CERT1: variants seen among roughly 807,000 people sequenced by gnomAD.
The protein encoded by CERT1 is ceramide transfer protein.
Under a neutral mutation model 87.9 loss-of-function variants are expected in CERT1, and 31 were observed. That is an observed-to-expected ratio of 0.35 (90% CI 0.27 to 0.48). The LOEUF (loss-of-function observed/expected upper bound fraction) is 0.48. CERT1 is among the 20% of genes least tolerant of loss of function. CERT1 has a pLI of 0.99. For synonymous variants in CERT1, 289 were observed against 250.9 expected, an observed-to-expected ratio of 1.15 and a Z score of -1.44; for missense variants, 487 against 758.0, an observed-to-expected ratio of 0.64 and a Z score of 4.20.
At chr5:75,411,554 C>T (rs1203001984) in intron 7 of CERT1, among the ~76,000 whole-genome samples, 1 of 152,120 alleles carries the variant, frequency 6.6e-6, no homozygotes, top group Non-Finnish European at 1.5e-5. Flanking sequence ...CCTCGTGATC[C>T]ACCCTCCTCA....
At chr5:75,458,167 T>C (rs905759377) in intron 3 of CERT1, among the ~76,000 whole-genome samples, 4 of 152,194 alleles carry the variant, frequency 2.6e-5, no homozygotes, top group African/African-American at 9.7e-5. Flanking sequence ...ATTACTGAAT[T>C]AGCTAATAAT....
At chr5:75,397,303 G>A (rs1193843566) in intron 11 of CERT1, among the ~76,000 whole-genome samples, 1 of 152,086 alleles carries the variant, frequency 6.6e-6, no homozygotes, top group Non-Finnish European at 1.5e-5. Flanking sequence ...TCAATCATGA[G>A]CACCATATAT....
chr5:75,502,227 G>A (rs1008624126), intron 2 of CERT1, among the ~76,000 whole-genome samples: 4 of 152,092 alleles, frequency 2.6e-5, no homozygotes, highest in African/African-American at 4.8e-5. Flanking sequence ...GATAAAAAGT[G>A]CAATTTAAAA....
chr5:75,464,355 T>TACC (rs975260212), intron 2 of CERT1, among the ~76,000 whole-genome samples: 4 of 130,922 alleles, frequency 3.1e-5, no homozygotes, highest in Admixed American at 7.1e-5. Flanking sequence ...ACTACTCACC[T>TACC]ACCGCATAGT....
At chr5:75,500,106 C>G (rs1165296546) in intron 2 of CERT1, among the ~76,000 whole-genome samples, 1 of 152,024 alleles carries the variant, frequency 6.6e-6, no homozygotes, top group Non-Finnish European at 1.5e-5. Context: ...AGTGATGCAT[C>G]CACAAGCCAT....
chr5:75,441,082 T>C (rs149592135), intron 3 of CERT1, among the ~76,000 whole-genome samples: 20 of 152,300 alleles, frequency 1.3e-4, no homozygotes, highest in Non-Finnish European at 2.1e-4. Flanking sequence ...TGTTCTAGTA[T>C]GTACAGTCAT....
intron 2 of CERT1, among the ~76,000 whole-genome samples, chr5:75,471,790 C>G (rs774783898): frequency 2.0e-5 from 3 of 150,012 alleles, no homozygotes; most frequent in Non-Finnish European, 4.4e-5. Flanking sequence ...AGGTGGTAGG[C>G]TGATGACTGA....
intron 2 of CERT1, among the ~76,000 whole-genome samples, chr5:75,481,888 T>C (rs1323687747): frequency 6.6e-6 from 1 of 152,194 alleles, no homozygotes; most frequent in African/African-American, 2.4e-5. Context: ...TGGTTATATA[T>C]GATCTCTCCT....
chr5:75,426,846 G>T (rs973327706), intron 3 of CERT1, among the ~76,000 whole-genome samples: 2 of 152,214 alleles, frequency 1.3e-5, no homozygotes, highest in African/African-American at 4.8e-5. Flanking sequence ...AAAAAGCTCT[G>T]AAGATGGATG....
intron 2 of CERT1, among the ~76,000 whole-genome samples, chr5:75,483,231 CAA>C (rs1248616259): frequency 4.6e-5 from 7 of 151,920 alleles, no homozygotes; most frequent in African/African-American, 1.7e-4. Context: ...CTGAAAAATC[CAA>C]TTGATAAAAT....
At chr5:75,386,699 G>C (rs1312327899) in intron 12 of CERT1, among the ~76,000 whole-genome samples, 4 of 152,170 alleles carry the variant, frequency 2.6e-5, no homozygotes, top group African/African-American at 9.7e-5. Context: ...GCTGGACACT[G>C]TTAGGCATTT....
chr5:75,478,931 A>T lies in CERT1; in HGVS notation c.232-19750T>A, dbSNP rs1337928888. Among the ~76,000 whole-genome samples, 4 of 149,928 alleles carry T rather than the reference A, an allele frequency of 2.7e-5. No homozygotes were observed. The East Asian group carries it at 7.7e-4, about 29-fold the overall frequency. Reference sequence around the variant, plus strand: ...TACTAAAAAAAAAAAAAAAAAAAAAAAAAAAAAAGCCACACGCGTTTGTCA... The same window carrying T: ...TACTAAAAAAAAAAAAAAAAAAAAATAAAAAAAAGCCACACGCGTTTGTCA... On this transcript the variant is annotated intron_variant, in intron 2 of 16. Transcript: ENST00000643780.
In CERT1 at chr5:75,470,271, G is replaced by A. The variant is rs368171748; in HGVS notation, c.232-11090C>T. 6.6e-5 allele frequency among the ~76,000 whole-genome samples: 10 copies of A among 152,184 alleles called. No individual in the cohort carries two copies. The South Asian group carries it at 1.2e-3, about 19-fold the overall frequency. ...TATTCTTCTTAACTACACATGGGAC[G>A]TTCCTCACAATAGATATGTTAGACC... On this transcript the variant is annotated intron_variant, in intron 2 of 16. Coordinates refer to ENST00000643780, the MANE Select transcript of CERT1 (RefSeq NM_001379029.1).
intron 3 of CERT1, among the ~76,000 whole-genome samples, chr5:75,441,097 T>C (rs1456611994): frequency 6.6e-6 from 1 of 152,208 alleles, no homozygotes; most frequent in Non-Finnish European, 1.5e-5. Flanking sequence ...AGTCATGCAC[T>C]GCATAATGTT....
chr5:75,406,486 C>A (rs1762709539), intron 8 of CERT1, among the ~76,000 whole-genome samples: 1 of 152,006 alleles, frequency 6.6e-6, no homozygotes, highest in African/African-American at 2.4e-5. Flanking sequence ...TCCTTATAAG[C>A]CTTGTTTCTT....
At chr5:75,427,399 G>A (rs1177239032) in intron 3 of CERT1, among the ~76,000 whole-genome samples, 10 of 152,274 alleles carry the variant, frequency 6.6e-5, no homozygotes, top group African/African-American at 2.4e-4. Flanking sequence ...AGGAGTCTGA[G>A]ACCAGCCTGG....
intron 2 of CERT1, among the ~76,000 whole-genome samples, chr5:75,465,052 C>T (rs1373461181): frequency 6.6e-6 from 1 of 152,308 alleles, no homozygotes; most frequent in South Asian, 2.1e-4. Context: ...GTTCAGACTG[C>T]TCTCAGTCAG....
chr5:75,493,427 TTGG>T (rs1305330465), intron 2 of CERT1, among the ~76,000 whole-genome samples: 1 of 152,266 alleles, frequency 6.6e-6, no homozygotes, highest in African/African-American at 2.4e-5. Flanking sequence ...TTATACTCGC[TTGG>T]TGATTTGGAT....
intron 2 of CERT1, among the ~76,000 whole-genome samples, chr5:75,491,769 T>C (rs1766808883): frequency 1.3e-5 from 2 of 152,308 alleles, no homozygotes; most frequent in African/African-American, 4.8e-5. Flanking sequence ...ATGATATAGA[T>C]GTGAAGTTAT....
Sources: allele counts gnomAD v4.1 joint callset (sites outside exome capture counted in the v4.1 genomes callset), GRCh38; gene constraint gnomAD v4.1.1; transcripts MANE v1.5; gene names NCBI Gene and HGNC (gene_info 2026-07-23, HGNC 2026-07-21).